The following IRAK4 variants were observed in gnomAD, a reference collection of about 807,000 sequenced individuals.
IRAK4 encodes the protein interleukin 1 receptor associated kinase 4, also known as interleukin-1 receptor-associated kinase 4.
In IRAK4, 44 loss-of-function variants were observed where a neutral mutation model predicts 51.8. That is an observed-to-expected ratio of 0.85 (90% CI 0.67 to 1.09). IRAK4 has a LOEUF of 1.09. IRAK4 is among the 50% of genes least tolerant of loss of function. The probability of loss-of-function intolerance (pLI) is 0.00; values close to 1 mark genes in which losing one functional copy is unlikely to be tolerated. For missense variants in IRAK4, 487 were observed against 538.0 expected (o/e 0.91, Z 0.94); for synonymous variants, 149 against 174.1 (o/e 0.86, Z 1.13).
chr12:43,776,650 G>A (rs1941299032), intron 6 of IRAK4, among the ~76,000 whole-genome samples: 1 of 152,234 alleles, frequency 6.6e-6, no homozygotes, highest in Admixed American at 6.5e-5. Flanking sequence ...AGATAAAGGA[G>A]CTGAGGCTCA....
chr12:43,767,034 GAAGCTTTTC>G (rs1478370752), intron 1 of IRAK4, among the ~76,000 whole-genome samples: 1 of 152,180 alleles, frequency 6.6e-6, no homozygotes, highest in African/African-American at 2.4e-5. Context: ...CTGATACAGA[GAAGCTTTTC>G]GCTTTTTACT....
In IRAK4 at chr12:43,772,933, A is replaced by G. The variant is rs1355140197; in HGVS notation, c.512A>G (p.Tyr171Cys). 1 of 1,608,708 alleles carries G rather than the reference A, an allele frequency of 6.2e-7. No individual in the cohort carries two copies. Among genetic ancestry groups the G allele is most frequent in the African/African-American group, 1.3e-5 (1 of 74,848 alleles). Residue 171 changes from tyrosine to cysteine, a missense_variant, in exon 5 of 12, where the codon TAT becomes TGT. Physicochemically the swap from Tyr to Cys is radical, Grantham distance 194. Coordinates refer to ENST00000613694, the MANE Select transcript of IRAK4 (RefSeq NM_016123.4). The stretch of plus-strand genomic sequence containing the variant: ...ATAGGTTTTCACAGTTTTTCATTTT[A>G]TGAATTGAAGAATGTCACAAATAAC... ...SDTRFHSFSF[Y>C]ELKNVTNNFD...
At chr12:43,777,900 G>T (rs1227588932) in intron 7 of IRAK4, among the ~76,000 whole-genome samples, 156 bp downstream of exon 7, 1 of 152,074 alleles carries the variant, frequency 6.6e-6, no homozygotes, top group African/African-American at 2.4e-5. Flanking sequence ...TTATACAGTT[G>T]ATATGTCAAC....
intron 9 of IRAK4, 117 bp from the exon 10 acceptor site, chr12:43,783,545 T>C: frequency 1.4e-6 from 1 of 689,702 alleles, no homozygotes; most frequent in South Asian, 1.7e-5. Flanking sequence ...GGTCGTGAAG[T>C]CCGGGGCTCA....
chr12:43,782,572 A>G (rs368128953), intron 9 of IRAK4, 82 bp downstream of exon 9: 11 of 1,083,100 alleles, frequency 1.0e-5, no homozygotes, highest in East Asian at 5.2e-5. Flanking sequence ...TAATACACCC[A>G]TCTTGTTTAT....
intron 8 of IRAK4, among the ~76,000 whole-genome samples, chr12:43,781,970 C>T (rs558682203): frequency 6.6e-6 from 1 of 152,086 alleles, no homozygotes; most frequent in East Asian, 1.9e-4. Context: ...AGTAATTTAC[C>T]CTATAATAAA....
At chr12:43,778,364 C>G (rs1941482721) in intron 8 of IRAK4, 62 bp downstream of exon 8, 7 of 908,506 alleles carry the variant, frequency 7.7e-6, no homozygotes, top group Admixed American at 3.5e-5. Flanking sequence ...TGCTGTCACT[C>G]TATTCACGAT....
At position 43,788,970 on chromosome 12, in the gene IRAK4, G is replaced by T. The variant is rs557276770; in HGVS notation, c.*2255G>T. The T allele has an allele frequency of 6.6e-6, 1 of 152,196 alleles. No homozygotes were observed. Among genetic ancestry groups the T allele is most frequent in the Non-Finnish European group, 1.5e-5 (1 of 68,012 alleles). 9.4% of individuals were successfully genotyped at this position (152,196 alleles called of 1,614,324 possible). On this transcript the variant is annotated 3_prime_UTR_variant, in exon 12 of 12. Coordinates refer to ENST00000613694, the MANE Select transcript of IRAK4 (RefSeq NM_016123.4). ...TAAATAACTTATATTTTATTTCAGA[G>T]GCTCATAGGCGGCAGGAACTTACCT...
At chr12:43,765,384 C>T (rs768936637) in intron 1 of IRAK4, among the ~76,000 whole-genome samples, 7 of 152,160 alleles carry the variant, frequency 4.6e-5, no homozygotes, top group Non-Finnish European at 1.0e-4. Flanking sequence ...AAATGAGTTA[C>T]TGATTTGTAC....
chr12:43,782,749 T>G (rs1941890774), intron 9 of IRAK4, among the ~76,000 whole-genome samples: 1 of 152,230 alleles, frequency 6.6e-6, no homozygotes, highest in Non-Finnish European at 1.5e-5. Flanking sequence ...ACCTAATGCA[T>G]TAAATGAATC....
intron 6 of IRAK4, 95 bp from the exon 7 acceptor site, chr12:43,777,535 G>A: frequency 5.7e-6 from 6 of 1,059,062 alleles, no homozygotes; most frequent in Non-Finnish European, 5.2e-6. Flanking sequence ...CTATTTTTTT[G>A]CTCTTTTTTT....
rs1240675102 is a variant in IRAK4, at chr12:43,782,260, T to C, written c.942-47T>C. ...TAGCTAAGGAACTGTTTGACTTTTT[T>C]GGGGTGGGAAAAACATTTTTTTCTT... is the stretch of plus-strand genomic sequence containing the variant. On this transcript the variant is annotated intron_variant, in intron 8 of 11. Transcript: ENST00000613694. 5.2e-6 allele frequency: 7 copies of C among 1,353,478 alleles called. No individual in the cohort carries two copies. The Admixed American group carries it at 8.6e-5, about 17-fold the overall frequency. 83.8% of individuals were successfully genotyped at this position (1,353,478 alleles called of 1,614,324 possible). A position where few individuals can be genotyped will look rare whatever the true frequency, so the allele number is the denominator to read the frequency against.
intron 6 of IRAK4, among the ~76,000 whole-genome samples, chr12:43,776,963 T>A (rs1049983468): frequency 3.9e-5 from 6 of 152,220 alleles, no homozygotes; most frequent in African/African-American, 1.4e-4. Context: ...AGCATAAAAA[T>A]TCAACGGACT....
intron 8 of IRAK4, among the ~76,000 whole-genome samples, chr12:43,780,725 C>A (rs1402742303): frequency 6.6e-6 from 1 of 152,110 alleles, no homozygotes; most frequent in Non-Finnish European, 1.5e-5. Flanking sequence ...GCATCCACCA[C>A]CACGCTCTGC....
chr12:43,771,023 C>T (rs1301726580), intron 2 of IRAK4, 197 bp from the exon 3 acceptor site: 2 of 693,932 alleles, frequency 2.9e-6, no homozygotes, highest in South Asian at 1.5e-5. Flanking sequence ...TGCCCTTCTG[C>T]CCTTCCACCA....
rs752451445 is a variant in IRAK4 at position 43,778,284 on chromosome 12, T to A, written c.923T>A (p.Ile308Asn). 1 of 1,584,002 alleles carries A rather than the reference T, an allele frequency of 6.3e-7. No homozygotes were observed. The highest frequency in any genetic ancestry group is 1.7e-4 in the Middle Eastern group (1 of 5,926). ...AATTTTCTACATGAAAATCATCATATTCATAGAGATATTAAAAGGTAAATG... is the reference window on the plus strand; with the variant it reads ...AATTTTCTACATGAAAATCATCATAATCATAGAGATATTAAAAGGTAAATG... The part of the protein sequence containing the change: ...GINFLHENHH[I>N]HRDIKSANIL... Residue 308 changes from isoleucine (I) to asparagine (N), a missense_variant, in exon 8 of 12, where the codon ATT (isoleucine) becomes AAT (asparagine). Ile to Asn is a moderately radical substitution (Grantham distance 149). Transcript: ENST00000613694.
intron 9 of IRAK4, 113 bp from the exon 10 acceptor site, chr12:43,783,549 G>A (rs1489215291): frequency 4.3e-6 from 3 of 704,590 alleles, no homozygotes; most frequent in Non-Finnish European, 7.4e-6. Flanking sequence ...GTGAAGTCCG[G>A]GGCTCAAGTT....
At position 43,777,644 on chromosome 12, in the gene IRAK4, A is replaced by G. The variant is rs781252640; in HGVS notation, c.731A>G (p.Asn244Ser). The change falls in exon 7 of 12, where the codon AAC (asparagine) becomes AGC (serine). Residue 244 changes from asparagine to serine, a missense_variant. Coordinates refer to ENST00000613694, the MANE Select transcript of IRAK4 (RefSeq NM_016123.4). ...IKVMAKCQHENLVELLGFSSD... is the reference protein window; with the variant it reads ...IKVMAKCQHESLVELLGFSSD... ...ATTTGTCACAGGTGTCAACATGAAA[A>G]CTTAGTAGAACTACTTGGTTTCTCA... 3 of 1,606,470 alleles carry G rather than the reference A, an allele frequency of 1.9e-6. No individual in the cohort carries two copies. The highest frequency in any genetic ancestry group is 1.7e-5 in the Admixed American group (1 of 59,656).
intron 6 of IRAK4, 142 bp from the exon 7 acceptor site, chr12:43,777,488 A>G (rs1941386101): frequency 3.0e-6 from 2 of 669,966 alleles, no homozygotes; most frequent in Non-Finnish European, 4.6e-6. Context: ...AAACATATAT[A>G]AACATAAACA....
Sources: gnomAD v4.1 joint callset for allele counts (sites outside exome capture counted in the v4.1 genomes callset) on GRCh38, gnomAD v4.1.1 for gene constraint, MANE v1.5 for transcripts, NCBI Gene and HGNC (gene_info 2026-07-23, HGNC 2026-07-21) for gene names.